SPAG16: variants seen among roughly 807,000 people sequenced by gnomAD.
SPAG16 encodes the protein sperm-associated antigen 16 protein.
Under a neutral mutation model 80.4 loss-of-function variants are expected in SPAG16, and 86 were observed. The ratio of observed to expected loss-of-function variants is 1.07; its 90% confidence interval spans 0.90 to 1.28. SPAG16 has a LOEUF of 1.28. Ranked by LOEUF, SPAG16 falls within the 50% of genes most tolerant of loss-of-function variation. SPAG16 has a pLI of 0.00. For synonymous variants in SPAG16, 294 were observed against 265.9 expected (o/e 1.11, Z -1.03); for missense variants, 870 against 765.3 (o/e 1.14, Z -1.61).
chr2:213,449,155 C>A (rs1245269053), intron 9 of SPAG16, among the ~76,000 whole-genome samples: 1 of 152,084 alleles, frequency 6.6e-6, no homozygotes, highest in South Asian at 2.1e-4. Context: ...CTGAAATACT[C>A]CCTGGTCTCC....
intron 10 of SPAG16, among the ~76,000 whole-genome samples, chr2:213,776,918 TAAG>T (rs1168734174): frequency 7.0e-6 from 1 of 143,604 alleles, no homozygotes; most frequent in Non-Finnish European, 1.5e-5. Flanking sequence ...AAAAATTTCA[TAAG>T]AAGGAAATGT....
intron 6 of SPAG16, among the ~76,000 whole-genome samples, chr2:213,344,338 A>G (rs1575281867): frequency 6.6e-6 from 1 of 152,080 alleles, no homozygotes. Flanking sequence ...CAAGTTTTGA[A>G]GGACCACCCT....
At position 213,895,488 on chromosome 2, in the gene SPAG16, T is replaced by C. The variant is rs141658010; in HGVS notation, c.1214+32860T>C. ...CAATCCTGAGCAAAAAGAACAGAGC[T>C]GGAGTCACACTACCTGACTTCAAAA... On this transcript the variant is annotated intron_variant, in intron 11 of 15. Transcript: ENST00000331683. 9.7e-4 allele frequency among the ~76,000 whole-genome samples: 148 copies of C among 152,280 alleles called. No individual in the cohort carries two copies. The East Asian group carries it at 0.011, about 12-fold the overall frequency.
intron 10 of SPAG16, among the ~76,000 whole-genome samples, chr2:213,527,950 G>A (rs184434338): frequency 6.6e-6 from 1 of 152,044 alleles, no homozygotes; most frequent in East Asian, 1.9e-4. Flanking sequence ...TTATAGATAT[G>A]GATGAGAGGC....
At chr2:214,154,397 A>G (rs996077193) in intron 15 of SPAG16, among the ~76,000 whole-genome samples, 2 of 152,138 alleles carry the variant, frequency 1.3e-5, no homozygotes, top group African/African-American at 4.8e-5. Flanking sequence ...CATTAAAATG[A>G]GCAAAGTTTC....
At chr2:213,297,379 T>A in intron 3 of SPAG16, 22 bp downstream of exon 3, 1 of 1,442,546 alleles carries the variant, frequency 6.9e-7, no homozygotes, top group Non-Finnish European at 9.6e-7. Context: ...AACACTAGTG[T>A]AGTCTATAGT....
intron 13 of SPAG16, among the ~76,000 whole-genome samples, chr2:214,042,344 G>T (rs1418833627): frequency 2.0e-5 from 3 of 151,634 alleles, no homozygotes; most frequent in African/African-American, 7.3e-5. Flanking sequence ...AGTTATTGTG[G>T]TTTTTGCATT....
At chr2:214,205,586 G>A (rs575733980) in intron 15 of SPAG16, among the ~76,000 whole-genome samples, 1 of 152,110 alleles carries the variant, frequency 6.6e-6, no homozygotes, top group African/African-American at 2.4e-5. Flanking sequence ...AAAAAATTTT[G>A]AAGCACATCT....
At chr2:214,223,316 A>G (rs1265240884) in intron 15 of SPAG16, among the ~76,000 whole-genome samples, 1 of 152,162 alleles carries the variant, frequency 6.6e-6, no homozygotes, top group Non-Finnish European at 1.5e-5. Context: ...AAATTACTAT[A>G]AGATTTATTT....
At chr2:213,326,571 AGTT>A (rs1020846793) in intron 5 of SPAG16, among the ~76,000 whole-genome samples, 2 of 152,004 alleles carry the variant, frequency 1.3e-5, no homozygotes, top group Admixed American at 6.6e-5. Flanking sequence ...GCCATCCAAC[AGTT>A]ATTCCAATAT....
chr2:213,422,450 A>G, intron 9 of SPAG16: 1 of 588,224 alleles, frequency 1.7e-6, no homozygotes. Flanking sequence ...CACACCCCTC[A>G]CCTCTCTGCT....
rs528599666 is a variant in SPAG16, at chr2:213,684,295, A to G, written c.1071-178190A>G. On this transcript the variant is annotated intron_variant, in intron 10 of 15. Transcript: ENST00000331683. ...CATATTCATGGTTAAGAAATGAAGT[A>G]CTATAGGTCTTTTTTAAGTTTATAC... Among the ~76,000 whole-genome samples, 314 of 152,340 alleles carry G rather than the reference A, an allele frequency of 2.1e-3. 1 individual carries two copies. Among genetic ancestry groups the G allele is most frequent in the African/African-American group, 7.3e-3 (304 of 41,582 alleles).
chr2:214,327,657 T>C (rs1256447403), intron 15 of SPAG16, among the ~76,000 whole-genome samples: 1 of 151,694 alleles, frequency 6.6e-6, no homozygotes, highest in African/African-American at 2.4e-5. Context: ...TTAACTTAGC[T>C]ACATGAAGTC....
intron 11 of SPAG16, among the ~76,000 whole-genome samples, chr2:213,875,917 T>C (rs1244215143): frequency 6.6e-6 from 1 of 151,494 alleles, no homozygotes; most frequent in Non-Finnish European, 1.5e-5. Context: ...ACATTAAATA[T>C]TAACCAGAAC....
chr2:213,717,053 ATAAT>A (rs1368896810), intron 10 of SPAG16, among the ~76,000 whole-genome samples: 2 of 152,090 alleles, frequency 1.3e-5, no homozygotes, highest in African/African-American at 2.4e-5. Context: ...AAATAAAAAG[ATAAT>A]TAATTGTTTC....
intron 1 of SPAG16, among the ~76,000 whole-genome samples, chr2:213,291,497 A>G (rs1208203209): frequency 6.6e-6 from 1 of 152,162 alleles, no homozygotes; most frequent in Non-Finnish European, 1.5e-5. Context: ...TACCTGACGT[A>G]TTGTCCCATC....
chr2:213,820,042 T>C (rs1482123908), intron 10 of SPAG16, among the ~76,000 whole-genome samples: 11 of 151,180 alleles, frequency 7.3e-5, no homozygotes. Flanking sequence ...CCTCCCAAAG[T>C]GCTGGGATTA....
intron 10 of SPAG16, among the ~76,000 whole-genome samples, chr2:213,725,442 TC>T (rs966139984): frequency 6.6e-6 from 1 of 152,212 alleles, no homozygotes; most frequent in African/African-American, 2.4e-5. Context: ...GGAATGCCCA[TC>T]CATCCTCATT....
chr2:213,499,309 A>G (rs1414654789), intron 10 of SPAG16, among the ~76,000 whole-genome samples: 1 of 152,174 alleles, frequency 6.6e-6, no homozygotes, highest in Non-Finnish European at 1.5e-5. Context: ...AACATAGAAA[A>G]TGCATAATAC....
Sources: gnomAD v4.1 joint callset for allele counts (sites outside exome capture counted in the v4.1 genomes callset) on GRCh38, gnomAD v4.1.1 for gene constraint, MANE v1.5 for transcripts, NCBI Gene and HGNC (gene_info 2026-07-23, HGNC 2026-07-21) for gene names.